The following GRM3 variants were observed in gnomAD, a reference collection of about 807,000 sequenced individuals.
GRM3 encodes the protein metabotropic glutamate receptor 3.
GRM3 carries 26 observed loss-of-function variants against 70.5 expected under a neutral mutation model. That is an observed-to-expected ratio of 0.37 (90% CI 0.27 to 0.51). The LOEUF is 0.51. GRM3 is among the 20% of genes least tolerant of loss of function. GRM3 has a pLI of 0.93. For missense variants in GRM3, 859 were observed against 1,123.8 expected (o/e 0.76, Z 3.37); for synonymous variants, 443 against 434.9 (o/e 1.02, Z -0.23).
chr7:86,746,374 T>TATAA (rs71524681), intron 1 of GRM3, among the ~76,000 whole-genome samples: 7 of 132,982 alleles, frequency 5.3e-5, no homozygotes, highest in Non-Finnish European at 6.5e-5. Context: ...TATATATATA[T>TATAA]AATCACTTCA....
At chr7:86,673,351 C>T (rs972097850) in intron 1 of GRM3, among the ~76,000 whole-genome samples, 2 of 152,116 alleles carry the variant, frequency 1.3e-5, no homozygotes, top group Non-Finnish European at 2.9e-5. Context: ...AATGATTCCT[C>T]TCAATTATCC....
chr7:86,838,301 T>A (rs969922800), intron 3 of GRM3, among the ~76,000 whole-genome samples: 5 of 152,178 alleles, frequency 3.3e-5, no homozygotes, highest in Admixed American at 6.5e-5. Context: ...TAGTTTAATT[T>A]TTTTCTTTCT....
At chr7:86,646,176 C>T (rs1451014483) in intron 1 of GRM3, among the ~76,000 whole-genome samples, 2 of 152,112 alleles carry the variant, frequency 1.3e-5, no homozygotes, top group Non-Finnish European at 2.9e-5. Flanking sequence ...CAGTTCCTAA[C>T]AAAGATGCTT....
At chr7:86,744,803 G>A (rs953345046) in intron 1 of GRM3, among the ~76,000 whole-genome samples, 7 of 152,022 alleles carry the variant, frequency 4.6e-5, no homozygotes, top group Non-Finnish European at 8.8e-5. Flanking sequence ...ATTCTCTACC[G>A]CATGGAATAT....
intron 5 of GRM3, among the ~76,000 whole-genome samples, chr7:86,858,777 A>G (rs1798899888): frequency 6.6e-6 from 1 of 152,202 alleles, no homozygotes. Flanking sequence ...CAAGAAAAGA[A>G]TCATTGAATG....
Position 86,786,401 on chromosome 7 carries a change from G to C in GRM3, c.609G>C (p.Glu203Asp). 6.2e-7 allele frequency: 1 copy of C among 1,614,202 alleles called. No homozygotes were observed. The highest frequency in any genetic ancestry group is 8.5e-7 in the Non-Finnish European group (1 of 1,180,042). ...TCTACCAGGCCAAAGCCATGGCTGA[G>C]ATCTTGCGCTTCTTCAACTGGACCT... The part of the protein sequence containing the change: ...PDFYQAKAMA[E>D]ILRFFNWTYV... The change falls in exon 3 of 6, where the codon GAG (glutamate) becomes GAC (aspartate). Residue 203 changes from glutamate (E) to aspartate (D), a missense_variant. Physicochemically the swap from Glu to Asp is conservative, Grantham distance 45. Transcript: ENST00000361669. The surrounding 1 kb of genome is among the most constrained non-coding windows in gnomAD (Gnocchi z 6.0).
At chr7:86,827,364 C>T (rs979337026) in intron 3 of GRM3, among the ~76,000 whole-genome samples, 1 of 152,082 alleles carries the variant, frequency 6.6e-6, no homozygotes, top group African/African-American at 2.4e-5. Context: ...GGCATTAAAA[C>T]TAAAGACTGT....
intron 1 of GRM3, among the ~76,000 whole-genome samples, chr7:86,684,359 C>A (rs1048728501): frequency 6.6e-6 from 1 of 152,158 alleles, no homozygotes; most frequent in African/African-American, 2.4e-5. Flanking sequence ...TATAAAACTA[C>A]CTAGCACATT....
intron 2 of GRM3, among the ~76,000 whole-genome samples, chr7:86,779,063 A>G (rs887943346): frequency 1.3e-5 from 2 of 152,190 alleles, no homozygotes; most frequent in Admixed American, 1.3e-4. Context: ...GTTAGAAAAT[A>G]TCATGAGAAA....
intron 1 of GRM3, among the ~76,000 whole-genome samples, chr7:86,755,538 A>T (rs1041308208): frequency 2.6e-5 from 4 of 152,166 alleles, no homozygotes; most frequent in African/African-American, 7.2e-5. Flanking sequence ...AAGATGGAGA[A>T]ATGCTCAAAG....
chr7:86,840,868 CCTACATCGCCAAAAT>C (rs756381794), intron 4 of GRM3, among the ~76,000 whole-genome samples: 72 of 152,180 alleles, frequency 4.7e-4, no homozygotes, highest in Admixed American at 2.0e-4. Context: ...ACCAGCAATT[CCTACATCGCCAAAAT>C]CTAGAAAATT....
intron 1 of GRM3, among the ~76,000 whole-genome samples, chr7:86,726,808 C>G (rs1390257703): frequency 6.6e-6 from 1 of 152,198 alleles, no homozygotes; most frequent in Admixed American, 6.6e-5. Flanking sequence ...CAGTCACTTC[C>G]TCTTGTAACA....
At chr7:86,726,798 CAGTCACTTCCTCTTGT>C (rs1795603693) in intron 1 of GRM3, among the ~76,000 whole-genome samples, 1 of 152,196 alleles carries the variant, frequency 6.6e-6, no homozygotes, top group Admixed American at 6.6e-5. Flanking sequence ...CCAATTAATA[CAGTCACTTCCTCTTGT>C]AACACTATTC....
At chr7:86,823,633 G>GGCTGT (rs1435026054) in intron 3 of GRM3, among the ~76,000 whole-genome samples, 1 of 125,222 alleles carries the variant, frequency 8.0e-6, no homozygotes, top group Non-Finnish European at 1.7e-5. Flanking sequence ...GCATGCTGGG[G>GGCTGT]GCTGTGGGAT....
chr7:86,839,788 G>A lies in GRM3; in HGVS notation c.2274G>A (p.Thr758=), dbSNP rs372872443. 1.1e-5 allele frequency: 17 copies of A among 1,613,738 alleles called. No homozygotes were observed. The highest frequency in any genetic ancestry group is 3.3e-5 in the South Asian group (3 of 91,076). ...VILCTVYAFK[T]RKCPENFNEA... is the part of the protein sequence containing the mutation. ...TATGCACTGTGTACGCCTTCAAAAC[G>A]CGGAAGTGCCCAGAAAATTTCAACG... Residue 758 remains threonine (T), a synonymous_variant, in exon 4 of 6, where the codon ACG becomes ACA. Coordinates refer to ENST00000361669, the MANE Select transcript of GRM3 (RefSeq NM_000840.3). This position sits in a 1 kb window ranked among gnomAD's most constrained non-coding sequence, Gnocchi z 4.5.
chr7:86,840,199 A>G (rs563097096), intron 4 of GRM3, among the ~76,000 whole-genome samples: 17 of 152,198 alleles, frequency 1.1e-4, no homozygotes, highest in Non-Finnish European at 2.1e-4. Context: ...CGTACACATA[A>G]TGTTAATTAA....
chr7:86,727,792 C>T (rs1454275485), intron 1 of GRM3, among the ~76,000 whole-genome samples: 1 of 152,126 alleles, frequency 6.6e-6, no homozygotes, highest in Non-Finnish European at 1.5e-5. Flanking sequence ...CAAACATTGG[C>T]TTTTGTACCA....
At chr7:86,658,979 C>G (rs1453794741) in intron 1 of GRM3, among the ~76,000 whole-genome samples, 1 of 151,922 alleles carries the variant, frequency 6.6e-6, no homozygotes, top group Non-Finnish European at 1.5e-5. Context: ...AACATTTTAT[C>G]TGTTCATCTT....
At chr7:86,761,087 CTT>C (rs999039455) in intron 1 of GRM3, among the ~76,000 whole-genome samples, 1 of 152,066 alleles carries the variant, frequency 6.6e-6, no homozygotes, top group Non-Finnish European at 1.5e-5. Context: ...TTCTATCACT[CTT>C]TATATAAAAA....
Sources: gnomAD v4.1 joint callset for allele counts (sites outside exome capture counted in the v4.1 genomes callset) on GRCh38, gnomAD v4.1.1 for gene constraint, Gnocchi (gnomAD v3.1) non-coding constraint, MANE v1.5 for transcripts, NCBI Gene and HGNC (gene_info 2026-07-23, HGNC 2026-07-21) for gene names.